MCU: variants seen among roughly 807,000 people sequenced by gnomAD.
The protein encoded by MCU is calcium uniporter protein, mitochondrial.
In MCU, 12 loss-of-function variants were observed where a neutral mutation model predicts 45.2. The ratio of observed to expected loss-of-function variants is 0.27; its 90% CI spans 0.17 to 0.43. MCU has a LOEUF of 0.43. MCU is among the 20% of genes least tolerant of loss of function. The pLI is 1.00. For missense variants in MCU, 324 were observed against 436.7 expected (o/e 0.74, Z 2.30); for synonymous variants, 160 against 165.1 (o/e 0.97, Z 0.24).
At chr10:72,867,857 A>T (rs75494710) in intron 4 of MCU, among the ~76,000 whole-genome samples, 15 of 150,248 alleles carry the variant, frequency 1.0e-4, no homozygotes, top group African/African-American at 3.6e-4. Context: ...TTTGTCTCAA[A>T]AAAAAAAAAA....
intron 1 of MCU, among the ~76,000 whole-genome samples, chr10:72,817,450 CAT>C (rs1394599817): frequency 6.6e-6 from 1 of 152,160 alleles, no homozygotes; most frequent in Non-Finnish European, 1.5e-5. Flanking sequence ...TTTGAATAAA[CAT>C]GTGAATCTGT....
At chr10:72,866,872 C>G (rs1366954588) in intron 4 of MCU, among the ~76,000 whole-genome samples, 1 of 151,854 alleles carries the variant, frequency 6.6e-6, no homozygotes. Flanking sequence ...ACGTTCTGAA[C>G]AAGTTACTTC....
chr10:72,768,340 A>G (rs1843757545), intron 1 of MCU, among the ~76,000 whole-genome samples: 1 of 152,204 alleles, frequency 6.6e-6, no homozygotes, highest in Non-Finnish European at 1.5e-5. Context: ...CTGAAGAACT[A>G]CACAAAGGCT....
rs138583282 is a variant in MCU, at chr10:72,793,172, T to C, written c.151-41187T>C. Among the ~76,000 whole-genome samples the C allele has an allele frequency of 5.9e-3, 904 of 152,214 alleles. 10 individuals are homozygous for C. Among genetic ancestry groups the C allele is most frequent in the African/African-American group, 0.021 (852 of 41,546 alleles). The stretch of plus-strand genomic sequence containing the variant: ...GATTACAGGTGTGAGCCACCGTGCC[T>C]GGCCTGATTACACTGCTTTTTAAGG... On this transcript the variant is annotated intron_variant, in intron 1 of 7. Coordinates refer to ENST00000373053, the MANE Select transcript of MCU (RefSeq NM_138357.3).
chr10:72,782,477 T>C (rs546961264), intron 1 of MCU, among the ~76,000 whole-genome samples: 1 of 152,284 alleles, frequency 6.6e-6, no homozygotes, highest in South Asian at 2.1e-4. Flanking sequence ...TTCAAGCGAT[T>C]CTCATGCCTC....
At chr10:72,765,813 GAAAC>G (rs1251440427) in intron 1 of MCU, among the ~76,000 whole-genome samples, 15 of 136,824 alleles carry the variant, frequency 1.1e-4, no homozygotes, top group Non-Finnish European at 6.3e-5. Flanking sequence ...AAAAAAGAAA[GAAAC>G]TCGACAGAAT....
intron 1 of MCU, among the ~76,000 whole-genome samples, chr10:72,752,516 A>G (rs964922620): frequency 1.3e-5 from 2 of 152,226 alleles, no homozygotes; most frequent in African/African-American, 2.4e-5. Flanking sequence ...TTAGTACTGT[A>G]TTGATAAATG....
intron 1 of MCU, among the ~76,000 whole-genome samples, chr10:72,755,802 G>C (rs1843567775): frequency 6.6e-6 from 1 of 151,690 alleles, no homozygotes; most frequent in African/African-American, 2.4e-5. Context: ...GGTTGTGCCA[G>C]AGTACTTGCT....
At chr10:72,786,635 A>G (rs1276279013) in intron 1 of MCU, among the ~76,000 whole-genome samples, 1 of 152,006 alleles carries the variant, frequency 6.6e-6, no homozygotes, top group African/African-American at 2.4e-5. Flanking sequence ...AATCCCAGCT[A>G]CTCGGGAGAT....
chr10:72,868,572 G>A, intron 4 of MCU, 131 bp from the exon 5 acceptor site: 1 of 704,816 alleles, frequency 1.4e-6, no homozygotes, highest in Admixed American at 3.0e-5. Flanking sequence ...AAAAAAGAGA[G>A]CTATTACTTT....
At chr10:72,721,408 C>G (rs1238001693) in intron 1 of MCU, among the ~76,000 whole-genome samples, 2 of 152,126 alleles carry the variant, frequency 1.3e-5, no homozygotes, top group African/African-American at 4.8e-5. Flanking sequence ...GCAATCTGCT[C>G]CCCAGTCAAT....
chr10:72,748,045 CA>C (rs920644711), intron 1 of MCU, among the ~76,000 whole-genome samples: 1 of 151,130 alleles, frequency 6.6e-6, no homozygotes, highest in Non-Finnish European at 1.5e-5. Flanking sequence ...AGTCTTACGA[CA>C]ACCATCTTTT....
intron 1 of MCU, among the ~76,000 whole-genome samples, chr10:72,744,263 C>T (rs762924722): frequency 2.8e-5 from 4 of 142,370 alleles, no homozygotes; most frequent in Non-Finnish European, 6.0e-5. Flanking sequence ...TTTTTGGGTG[C>T]GTAATATTTT....
intron 1 of MCU, among the ~76,000 whole-genome samples, chr10:72,826,740 C>T (rs1383989901): frequency 6.6e-6 from 1 of 152,126 alleles, no homozygotes; most frequent in African/African-American, 2.4e-5. Context: ...GTTTTCATTA[C>T]CCACAGTCAG....
At chr10:72,778,996 A>G (rs895487446) in intron 1 of MCU, among the ~76,000 whole-genome samples, 1 of 152,064 alleles carries the variant, frequency 6.6e-6, no homozygotes, top group African/African-American at 2.4e-5. Context: ...TTGGAGATGG[A>G]GTCTCACTCT....
intron 1 of MCU, among the ~76,000 whole-genome samples, chr10:72,802,953 C>T (rs61864443): frequency 0.025 from 3,846 of 152,222 alleles, 66 homozygotes; most frequent in Non-Finnish European, 0.04. Flanking sequence ...GACATTAGAT[C>T]GTGTACCAAA....
rs1187410188 is a variant in MCU at position 72,692,615 on chromosome 10, CCTT to C, written c.150+319_150+321del. 5.4e-6 allele frequency: 6 copies of C among 1,101,216 alleles called. No individual in the cohort carries two copies. In the South Asian group the frequency reaches 2.5e-4, roughly 46 times the overall value. 68.2% of individuals were successfully genotyped at this position (1,101,216 alleles called of 1,614,324 possible). ...GACTCGCCCCCAATCGCGTTCCCTC[CCTT>C]CTTCGTTCTTAACAGCCCTGCCCCA... On this transcript the variant is annotated intron_variant, in intron 1 of 7. Transcript: ENST00000373053.
At chr10:72,697,914 T>C (rs1842710054) in intron 1 of MCU, among the ~76,000 whole-genome samples, 1 of 151,862 alleles carries the variant, frequency 6.6e-6, no homozygotes, top group African/African-American at 2.4e-5. Flanking sequence ...TATATAGGCA[T>C]GTGATGTGTC....
At chr10:72,755,704 A>G (rs1206271827) in intron 1 of MCU, among the ~76,000 whole-genome samples, 1 of 152,218 alleles carries the variant, frequency 6.6e-6, no homozygotes, top group Non-Finnish European at 1.5e-5. Flanking sequence ...TGAACGGCGG[A>G]AGCATAAATA....
Sources: gnomAD v4.1 joint callset for allele counts (sites outside exome capture counted in the v4.1 genomes callset) on GRCh38, gnomAD v4.1.1 for gene constraint, MANE v1.5 for transcripts, NCBI Gene and HGNC (gene_info 2026-07-23, HGNC 2026-07-21) for gene names.